The following C1orf162 variants were observed in gnomAD, a reference collection of about 807,000 sequenced individuals.
C1orf162 encodes transmembrane protein C1orf162.
In C1orf162, 10 loss-of-function variants were observed where a neutral mutation model predicts 11.4. The observed-to-expected ratio is 0.88, with a 90% CI of 0.54 to 1.48. The LOEUF (loss-of-function observed/expected upper bound fraction) is 1.48, where lower values mean the gene tolerates loss of function less well. C1orf162 is among the 40% of genes most tolerant of loss of function. The pLI is 0.00. For missense variants in C1orf162, 140 were observed against 149.5 expected (o/e 0.94, Z 0.33); for synonymous variants, 53 against 55.0 (o/e 0.96, Z 0.16).
At chr1:111,476,555 T>C (rs1469621693) in intron 2 of C1orf162, among the ~76,000 whole-genome samples, 3 of 152,140 alleles carry the variant, frequency 2.0e-5, no homozygotes, top group Non-Finnish European at 1.5e-5. Flanking sequence ...ATGAGATTTT[T>C]TTTTTTAATC....
Position 111,476,833 on chromosome 1 carries a change from A to C in C1orf162, c.73A>C (p.Thr25Pro). ...CACTCTCTCCACAGCAGCCCCAACA[A>C]CTAGCCCTGCACCCTGTCTCTCTAA... is the stretch of plus-strand genomic sequence containing the variant. Reference protein sequence around the residue: ...QGTLSTAAPTTSPAPCLSNHH... With the variant: ...QGTLSTAAPTPSPAPCLSNHH... Residue 25 changes from threonine (T) to proline (P), a missense_variant, in exon 3 of 6, where the codon ACT (threonine) becomes CCT (proline). Physicochemically the swap from Thr to Pro is conservative, Grantham distance 38. Coordinates refer to ENST00000369718, the MANE Select transcript of C1orf162 (RefSeq NM_001300834.2). The C allele has an allele frequency of 6.2e-7, 1 of 1,614,038 alleles. No homozygotes were observed. The highest frequency in any genetic ancestry group is 8.5e-7 in the Non-Finnish European group (1 of 1,179,956).
chr1:111,477,311 C>T, intron 3 of C1orf162, 23 bp from the exon 4 acceptor site: 1 of 1,597,972 alleles, frequency 6.3e-7, no homozygotes, highest in Non-Finnish European at 8.6e-7. Flanking sequence ...CAGTTCATCC[C>T]CTGCCTTTCT....
In C1orf162 at chr1:111,477,792, G is replaced by A; in HGVS notation, c.252+17G>A. 1 of 1,613,998 alleles carries A rather than the reference G, an allele frequency of 6.2e-7. No individual in the cohort carries two copies. Among genetic ancestry groups the A allele is most frequent in the Non-Finnish European group, 8.5e-7 (1 of 1,179,884 alleles). On this transcript the variant is annotated intron_variant, in intron 5 of 5. Transcript: ENST00000369718. ...CCAGCCAAGGTAAGATGACCACACT[G>A]TTTTGGGGACACTGAAGGGCTACCG...
rs140103670 is a variant in C1orf162, at chr1:111,477,698, G to A, written c.203-28G>A. On this transcript the variant is annotated intron_variant, in intron 4 of 5. Transcript: ENST00000369718. ...TTCCCCAGGCCCATTGCTGAGATGG[G>A]TCCCTCTTCTTTCTGGCACCATGGC... 1,503 of 1,613,548 alleles carry A rather than the reference G, an allele frequency of 9.3e-4. 16 individuals carry two copies. The highest frequency in any genetic ancestry group is 8.1e-3 in the South Asian group (737 of 91,036).
In C1orf162 at chr1:111,477,380, C is replaced by G; in HGVS notation, c.154C>G (p.Leu52Val). ...LAFCAGVLLT[L>V]LLIAFIFLII... ...CTTTTGTGCTGGGGTTCTACTGACA[C>G]TGCTGCTGATAGCCTTTATCTTCCT... is the stretch of plus-strand genomic sequence containing the variant. Residue 52 changes from leucine to valine, a missense_variant, in exon 4 of 6, where the codon CTG becomes GTG. By Grantham distance (32) the Leu-to-Val change is conservative. Transcript: ENST00000369718. The G allele has an allele frequency of 1.2e-6, 2 of 1,614,128 alleles. No homozygotes were observed. Among genetic ancestry groups the G allele is most frequent in the Non-Finnish European group, 1.7e-6 (2 of 1,180,004 alleles).
intron 2 of C1orf162, 32 bp from the exon 3 acceptor site, chr1:111,476,766 G>T (rs779993923): frequency 1.9e-6 from 3 of 1,605,484 alleles, no homozygotes. Context: ...AAAAGTGACA[G>T]ATACACTAAT....
intron 2 of C1orf162, among the ~76,000 whole-genome samples, chr1:111,476,322 G>A (rs1054214462): frequency 1.3e-5 from 2 of 152,132 alleles, no homozygotes; most frequent in Admixed American, 6.5e-5. Flanking sequence ...CCTATTTGTG[G>A]TGTAGGCATT....
chr1:111,476,104 G>A (rs763144157), intron 2 of C1orf162, 39 bp downstream of exon 2: 2 of 1,589,776 alleles, frequency 1.3e-6, no homozygotes, highest in Admixed American at 1.7e-5. Flanking sequence ...CCTCACGTCT[G>A]AGTTAAAATA....
chr1:111,478,284 AC>A lies in C1orf162; in HGVS notation c.*163del. The A allele has an allele frequency of 1.2e-6, 1 of 804,320 alleles. No homozygotes were observed. The highest frequency in any genetic ancestry group is 1.7e-5 in the South Asian group (1 of 57,950). 49.8% of individuals were successfully genotyped at this position (804,320 alleles called of 1,614,324 possible). The stretch of plus-strand genomic sequence containing the variant: ...GCAATGCTATCCAGCATCTTTGGAG[AC>A]CAATGGTCAGTCTTTTCCTGGCCAG... On this transcript the variant is annotated 3_prime_UTR_variant, in exon 6 of 6. Coordinates refer to ENST00000369718, the MANE Select transcript of C1orf162 (RefSeq NM_001300834.2).
rs753437439 is a variant in C1orf162, at chr1:111,477,795, T to C, written c.252+20T>C. The C allele has an allele frequency of 1.9e-6, 3 of 1,613,874 alleles. No individual in the cohort carries two copies. Among genetic ancestry groups the C allele is most frequent in the African/African-American group, 1.3e-5 (1 of 75,026 alleles). Reference sequence around the variant, plus strand: ...GCCAAGGTAAGATGACCACACTGTTTTGGGGACACTGAAGGGCTACCGTCA... The same window carrying C: ...GCCAAGGTAAGATGACCACACTGTTCTGGGGACACTGAAGGGCTACCGTCA... On this transcript the variant is annotated intron_variant, in intron 5 of 5. Transcript: ENST00000369718.
intron 5 of C1orf162, 79 bp downstream of exon 5, chr1:111,477,854 T>C (rs1654051838): frequency 6.3e-7 from 1 of 1,596,920 alleles, no homozygotes; most frequent in Admixed American, 1.7e-5. Flanking sequence ...CATTATCTGC[T>C]AGAATGGTGG....
At position 111,478,398 on chromosome 1, in the gene C1orf162, G is replaced by A. The variant is rs1267671248; in HGVS notation, c.*275G>A. ...TGCCTTCCTTGGACCCTTCCAAAGT[G>A]TGTGGTACAGAGCTCAGTGCACAGA... On this transcript the variant is annotated 3_prime_UTR_variant, in exon 6 of 6. Transcript: ENST00000369718. 5.9e-6 allele frequency: 3 copies of A among 511,126 alleles called. No individual in the cohort carries two copies. Among genetic ancestry groups the A allele is most frequent in the African/African-American group, 1.9e-5 (1 of 52,326 alleles). 31.7% of individuals were successfully genotyped at this position (511,126 alleles called of 1,614,324 possible). A position where few individuals can be genotyped will look rare whatever the true frequency, so the allele number is the denominator to read the frequency against.
At chr1:111,476,270 A>G (rs984179532) in intron 2 of C1orf162, among the ~76,000 whole-genome samples, 3 of 152,112 alleles carry the variant, frequency 2.0e-5, no homozygotes, top group Admixed American at 6.5e-5. Flanking sequence ...ATCTGAGTAA[A>G]GGGTGTCTCT....
chr1:111,477,214 T>C, intron 3 of C1orf162, 120 bp from the exon 4 acceptor site: 4 of 883,936 alleles, frequency 4.5e-6, no homozygotes, highest in Non-Finnish European at 7.2e-6. Flanking sequence ...TGGGTGAAAG[T>C]TCATTAATCA....
Position 111,478,075 on chromosome 1 carries a change from T to C in C1orf162, c.345T>C (p.Ser115=), listed in dbSNP as rs1654060473. Reference sequence around the variant, plus strand: ...GCAATCACTTGGCTGAGAACCATTCTGCAGACTTTGACCCCATTGTCTATG... The same window carrying C: ...GCAATCACTTGGCTGAGAACCATTCCGCAGACTTTGACCCCATTGTCTATG... The part of the protein sequence containing the change: ...EKSNHLAENH[S]ADFDPIVYAQ... The change falls in exon 6 of 6, where the codon TCT becomes TCC. Residue 115 remains serine (S), a synonymous_variant. Coordinates refer to ENST00000369718, the MANE Select transcript of C1orf162 (RefSeq NM_001300834.2). 6.2e-7 allele frequency: 1 copy of C among 1,614,086 alleles called. No individual in the cohort carries two copies. Among genetic ancestry groups the C allele is most frequent in the African/African-American group, 1.3e-5 (1 of 74,942 alleles).
chr1:111,477,143 C>A, intron 3 of C1orf162, 191 bp from the exon 4 acceptor site: 1 of 643,494 alleles, frequency 1.6e-6, no homozygotes, highest in Non-Finnish European at 2.7e-6. Context: ...GAGGAAGAGG[C>A]CACAGCTTCC....
At chr1:111,476,101 T>C in intron 2 of C1orf162, 36 bp downstream of exon 2, 1 of 1,596,782 alleles carries the variant, frequency 6.3e-7, no homozygotes, top group Non-Finnish European at 8.6e-7. Context: ...CTGCCTCACG[T>C]CTGAGTTAAA....
In C1orf162 at chr1:111,476,861, A is replaced by G. The variant is rs774474478; in HGVS notation, c.101A>G (p.His34Arg). The change falls in exon 3 of 6, where the codon CAC becomes CGC. Residue 34 changes from histidine to arginine, a missense_variant. Transcript: ENST00000369718. Reference protein sequence around the residue: ...TTSPAPCLSNHHNKKHLILAF... With the variant: ...TTSPAPCLSNRHNKKHLILAF... ...AGCCCTGCACCCTGTCTCTCTAACC[A>G]CCACAAGTAAATGAGCATTCTCCTA... is the stretch of plus-strand genomic sequence containing the variant. 2.5e-6 allele frequency: 4 copies of G among 1,613,534 alleles called. No individual in the cohort carries two copies. The South Asian group carries it at 3.3e-5, about 13-fold the overall frequency.
chr1:111,478,364 G>A lies in C1orf162; in HGVS notation c.*241G>A, dbSNP rs2101773560. 1.8e-6 allele frequency: 1 copy of A among 570,248 alleles called. No homozygotes were observed. The highest frequency in any genetic ancestry group is 2.0e-5 in the South Asian group (1 of 49,024). The allele number at this position is 570,248 out of a possible 1,614,324, so 35.3% of individuals were successfully genotyped here. ...ACTGACAGCCTGTGAGCCCCTTGGG[G>A]GCATAGACTGCCTTCCTTGGACCCT... On this transcript the variant is annotated 3_prime_UTR_variant, in exon 6 of 6. Coordinates refer to ENST00000369718, the MANE Select transcript of C1orf162 (RefSeq NM_001300834.2).
Sources: gnomAD v4.1 joint callset for allele counts (sites outside exome capture counted in the v4.1 genomes callset) on GRCh38, gnomAD v4.1.1 for gene constraint, MANE v1.5 for transcripts, NCBI Gene and HGNC (gene_info 2026-07-23, HGNC 2026-07-21) for gene names.